Variants in BEGAIN observed in about 807,000 individuals in gnomAD.
BEGAIN encodes the protein brain-enriched guanylate kinase-associated protein.
In BEGAIN, 19 loss-of-function variants were observed where a neutral mutation model predicts 35.8. That is an observed-to-expected ratio of 0.53 (90% confidence interval 0.37 to 0.78). The LOEUF (loss-of-function observed/expected upper bound fraction) is 0.78, where lower values mean the gene tolerates loss of function less well. Ranked by LOEUF, BEGAIN falls within the 30% of genes least tolerant of loss-of-function variation. The pLI, the probability that BEGAIN is intolerant of heterozygous loss-of-function variation, is 0.00. For synonymous variants in BEGAIN, 462 were observed against 388.6 expected (o/e 1.19, Z -2.22); for missense variants, 795 against 853.6 (o/e 0.93, Z 0.85).
Position 100,544,747 on chromosome 14 carries a change from G to A in BEGAIN, c.300+253C>T, listed in dbSNP as rs530123680. Among the ~76,000 whole-genome samples the A allele has an allele frequency of 3.5e-4, 54 of 152,130 alleles. 1 individual carries two copies. The highest frequency in any genetic ancestry group is 5.3e-4 in the Non-Finnish European group (36 of 67,976). Reference sequence around the variant, plus strand: ...GGCCCGTTCCCAGTGTATGTCCTCCGTCCACAGCCCCTCTTACACACCCCC... The same window carrying A: ...GGCCCGTTCCCAGTGTATGTCCTCCATCCACAGCCCCTCTTACACACCCCC... On this transcript the variant is annotated intron_variant, in intron 4 of 6. Transcript: ENST00000554140.
At chr14:100,571,392 C>T (rs764217143) in intron 1 of BEGAIN, among the ~76,000 whole-genome samples, 8 of 152,112 alleles carry the variant, frequency 5.3e-5, no homozygotes, top group East Asian at 1.9e-4. Flanking sequence ...TTCTTACTAG[C>T]GATGGGAGGG....
chr14:100,568,143 G>T lies in BEGAIN; in HGVS notation c.43-204C>A. ...CGCGCCGGGCCGCGGCCGAGTAACA[G>T]GTGAGCCCGCCCGGGCCGCCGCGCT... On this transcript the variant is annotated intron_variant, in intron 1 of 6. Transcript: ENST00000554140. This position sits in a 1 kb window ranked among gnomAD's most constrained non-coding sequence, Gnocchi z 7.5. 1 of 977,270 alleles carries T rather than the reference G, an allele frequency of 1.0e-6. No homozygotes were observed. Among genetic ancestry groups the T allele is most frequent in the Non-Finnish European group, 1.2e-6 (1 of 817,202 alleles). The allele number at this position is 977,270 out of a possible 1,614,324, so 60.5% of individuals were successfully genotyped here.
In BEGAIN at chr14:100,538,899, A is replaced by C. The variant is rs12892571; in HGVS notation, c.909T>G (p.His303Gln). 6.2e-7 allele frequency: 1 copy of C among 1,606,298 alleles called. No individual in the cohort carries two copies. The highest frequency in any genetic ancestry group is 8.5e-7 in the Non-Finnish European group (1 of 1,177,590). The change falls in exon 7 of 7, where the codon CAT (histidine) becomes CAG (glutamine). Residue 303 changes from histidine (H) to glutamine (Q), a missense_variant. His to Gln is a conservative substitution (Grantham distance 24). Around this residue, in one of 3 missense-constraint regions of BEGAIN, gnomAD observed 664 missense variants for 647.7 expected, o/e 1.03. Transcript: ENST00000554140. ...EAAAFPAGFQ[H>Q]EAFPSYAGSL... ...AGCCTGCGTAGCTGGGGAAGGCCTC[A>C]TGCTGGAAGCCCGCCGGGAAGGCCG...
chr14:100,549,761 G>A (rs1022827942), intron 2 of BEGAIN: 2 of 152,374 alleles, frequency 1.3e-5, no homozygotes, highest in African/African-American at 4.8e-5. Flanking sequence ...GGGGCCACCA[G>A]GCCACTGGGA....
Position 100,562,480 on chromosome 14 carries a change from C to A in BEGAIN, c.71+5431G>T, listed in dbSNP as rs554486942. 2.0e-5 allele frequency among the ~76,000 whole-genome samples: 3 copies of A among 152,222 alleles called. No homozygotes were observed. In the East Asian group the frequency reaches 5.8e-4, roughly 29 times the overall value. On this transcript the variant is annotated intron_variant, in intron 2 of 6. Coordinates refer to ENST00000554140, the MANE Select transcript of BEGAIN (RefSeq NM_001385089.1). ...TCCTCCCCCACAGCTGTCCCCACCTCGGGGGAAGAAAGTCCATCCTTTTAG... is the reference window on the plus strand; with the variant it reads ...TCCTCCCCCACAGCTGTCCCCACCTAGGGGGAAGAAAGTCCATCCTTTTAG...
intron 1 of BEGAIN, among the ~76,000 whole-genome samples, chr14:100,572,806 C>T (rs961911643): frequency 6.6e-6 from 1 of 152,134 alleles, no homozygotes; most frequent in Non-Finnish European, 1.5e-5. Context: ...GAGAGCCAGC[C>T]TTCTAACTGA....
Position 100,538,646 on chromosome 14 carries a change from C to G in BEGAIN, c.1162G>C (p.Gly388Arg). The G allele has an allele frequency of 6.5e-7, 1 of 1,549,958 alleles. No individual in the cohort carries two copies. The highest frequency in any genetic ancestry group is 8.7e-7 in the Non-Finnish European group (1 of 1,146,580). Residue 388 changes from glycine (G) to arginine (R), a missense_variant, in exon 7 of 7, where the codon GGG (glycine) becomes CGG (arginine). By Grantham distance (125) the Gly-to-Arg change is moderately radical. Transcript: ENST00000554140. ...GCCGGGTACGGTGACATGGTCCGCC[C>G]GAAGCCTGGGGCCACTTCGGCCTCC... ...PLEAEVAPGF[G>R]RTMSPYPAET...
At chr14:100,555,893 C>G (rs890419015) in intron 2 of BEGAIN, among the ~76,000 whole-genome samples, 2 of 152,164 alleles carry the variant, frequency 1.3e-5, no homozygotes, top group Non-Finnish European at 2.9e-5. Context: ...GGACTCCACC[C>G]GCACAGAGAG....
rs769502019 is a variant in BEGAIN at position 100,538,976 on chromosome 14, C to T, written c.832G>A (p.Ala278Thr). The part of the protein sequence containing the change: ...APVTDVGFLR[A>T]QNSTDSAAEE... ...GCCGCGCTGTCAGTGGAGTTCTGGG[C>T]CCGCAGGAAGCCCACGTCGGTCACG... is the stretch of plus-strand genomic sequence containing the variant. Residue 278 changes from alanine (A) to threonine (T), a missense_variant, in exon 7 of 7, where the codon GCC becomes ACC. Physicochemically the swap from Ala to Thr is moderately conservative, Grantham distance 58. Transcript: ENST00000554140. 1.2e-6 allele frequency: 2 copies of T among 1,610,030 alleles called. No homozygotes were observed. The highest frequency in any genetic ancestry group is 1.7e-6 in the Non-Finnish European group (2 of 1,178,688).
In BEGAIN at chr14:100,539,137, C is replaced by A; in HGVS notation, c.671G>T (p.Arg224Leu). ...CACCCCGTCGCAGAAGGCCAGGTCGCGGGCGGAGGCATCGGACAGGCGGGA... is the reference window on the plus strand; with the variant it reads ...CACCCCGTCGCAGAAGGCCAGGTCGAGGGCGGAGGCATCGGACAGGCGGGA... Reference protein sequence around the residue: ...LSSRLSDASARDLAFCDGVEK... With the variant: ...LSSRLSDASALDLAFCDGVEK... Residue 224 changes from arginine to leucine, a missense_variant, in exon 7 of 7, where the codon CGC (arginine) becomes CTC (leucine). Transcript: ENST00000554140. 6.2e-7 allele frequency: 1 copy of A among 1,602,994 alleles called. No homozygotes were observed. Among genetic ancestry groups the A allele is most frequent in the Non-Finnish European group, 8.5e-7 (1 of 1,172,966 alleles).
chr14:100,562,205 G>A (rs1024047292), intron 2 of BEGAIN, among the ~76,000 whole-genome samples: 3 of 152,100 alleles, frequency 2.0e-5, no homozygotes, highest in Admixed American at 6.5e-5. Context: ...AAAGGGACAA[G>A]GAAATTCAAC....
At position 100,569,601 on chromosome 14, in the gene BEGAIN, C is replaced by T. The variant is rs541759277; in HGVS notation, c.43-1662G>A. 28 of 154,660 alleles carry T rather than the reference C, an allele frequency of 1.8e-4. No homozygotes were observed. In the South Asian group the frequency reaches 4.7e-3, roughly 26 times the overall value. The allele number at this position is 154,660 out of a possible 1,614,324, so 9.6% of individuals were successfully genotyped here. A position where few individuals can be genotyped will look rare whatever the true frequency, so the allele number is the denominator to read the frequency against. On this transcript the variant is annotated intron_variant, in intron 1 of 6. Transcript: ENST00000554140. ...GGAGCCCTGTGTTCTCACCAGGACACCCCCAGCACCCAGCAGGCTTGGCCT... is the reference window on the plus strand; with the variant it reads ...GGAGCCCTGTGTTCTCACCAGGACATCCCCAGCACCCAGCAGGCTTGGCCT...
intron 1 of BEGAIN, among the ~76,000 whole-genome samples, chr14:100,580,028 G>A (rs2035283454): frequency 6.6e-6 from 1 of 152,064 alleles, no homozygotes; most frequent in Non-Finnish European, 1.5e-5. Context: ...GACCAGGCCG[G>A]GTGCGGTGGC....
At chr14:100,557,035 C>T (rs1442154623) in intron 2 of BEGAIN, among the ~76,000 whole-genome samples, 1 of 151,992 alleles carries the variant, frequency 6.6e-6, no homozygotes, top group Non-Finnish European at 1.5e-5. Flanking sequence ...CAAAGCCAGG[C>T]CCCCAGTCCC....
rs1288125702 is a variant in BEGAIN, at chr14:100,563,640, T to C, written c.71+4271A>G. On this transcript the variant is annotated intron_variant, in intron 2 of 6. Coordinates refer to ENST00000554140, the MANE Select transcript of BEGAIN (RefSeq NM_001385089.1). The surrounding 1 kb of genome is among the most constrained non-coding windows in gnomAD (Gnocchi z 4.2). ...GAGGGACAGTGATGGGGAGAAGCGG[T>C]TTCAAGAGTCTGTTCCGATCTTCCA... Among the ~76,000 whole-genome samples, 1 of 151,798 alleles carries C rather than the reference T, an allele frequency of 6.6e-6. No individual in the cohort carries two copies. The highest frequency in any genetic ancestry group is 2.4e-5 in the African/African-American group (1 of 41,296).
At position 100,586,165 on chromosome 14, in the gene BEGAIN, G is replaced by T. The variant is rs181759501; in HGVS notation, c.42+1084C>A. Among the ~76,000 whole-genome samples, 288 of 152,350 alleles carry T rather than the reference G, an allele frequency of 1.9e-3. 3 individuals are homozygous for T. The highest frequency in any genetic ancestry group is 3.2e-3 in the Non-Finnish European group (218 of 68,036). ...GCTTCTGCCCACAGTCCTCGTGGGA[G>T]CCTGGCCCTGGGAGTAGTGGGGGTC... On this transcript the variant is annotated intron_variant, in intron 1 of 6. Coordinates refer to ENST00000554140, the MANE Select transcript of BEGAIN (RefSeq NM_001385089.1). The surrounding 1 kb of genome is among the most constrained non-coding windows in gnomAD (Gnocchi z 4.9).
At position 100,563,513 on chromosome 14, in the gene BEGAIN, C is replaced by A. The variant is rs1481979988; in HGVS notation, c.71+4398G>T. On this transcript the variant is annotated intron_variant, in intron 2 of 6. Coordinates refer to ENST00000554140, the MANE Select transcript of BEGAIN (RefSeq NM_001385089.1). The surrounding 1 kb of genome is among the most constrained non-coding windows in gnomAD (Gnocchi z 4.2). Reference sequence around the variant, plus strand: ...TAACTGACAGTGTGAAGAGCTCCCACAAATCAATGGGAAAAACACCTTGGT... The same window carrying A: ...TAACTGACAGTGTGAAGAGCTCCCAAAAATCAATGGGAAAAACACCTTGGT... Among the ~76,000 whole-genome samples the A allele has an allele frequency of 6.6e-6, 1 of 152,226 alleles. No homozygotes were observed. The highest frequency in any genetic ancestry group is 2.4e-5 in the African/African-American group (1 of 41,452).
intron 1 of BEGAIN, among the ~76,000 whole-genome samples, chr14:100,579,483 C>T (rs2035272940): frequency 6.6e-6 from 1 of 152,338 alleles, no homozygotes; most frequent in Non-Finnish European, 1.5e-5. Context: ...CTTTAGGCTG[C>T]TAGACTGAAG....
intron 1 of BEGAIN, among the ~76,000 whole-genome samples, chr14:100,581,206 A>G (rs2035308796): frequency 6.6e-6 from 1 of 152,216 alleles, no homozygotes; most frequent in African/African-American, 2.4e-5. Flanking sequence ...TTCAGGACTC[A>G]TTAGCACTGG....
Sources: gnomAD v4.1 joint callset for allele counts (sites outside exome capture counted in the v4.1 genomes callset) on GRCh38, gnomAD v4.1.1 for gene constraint, gnomAD v4.1.1 regional missense constraint, Gnocchi (gnomAD v3.1) non-coding constraint, MANE v1.5 for transcripts, NCBI Gene and HGNC (gene_info 2026-07-23, HGNC 2026-07-21) for gene names.